FUBP3: variants seen among roughly 807,000 people sequenced by gnomAD.
The protein encoded by FUBP3 is far upstream element binding protein 3.
A neutral mutation model predicts 85.6 loss-of-function variants in FUBP3; 28 were observed. The ratio of observed to expected loss-of-function variants is 0.33; its 90% CI spans 0.24 to 0.45. The LOEUF is 0.45. Ranked by LOEUF, FUBP3 falls within the 20% of genes least tolerant of loss-of-function variation. The pLI is 1.00. For synonymous variants in FUBP3, 271 were observed against 271.4 expected (o/e 1.00, Z 0.01); for missense variants, 583 against 755.1 (o/e 0.77, Z 2.67).
chr9:130,601,856 T>C (rs1831174091), intron 2 of FUBP3, among the ~76,000 whole-genome samples: 1 of 141,116 alleles, frequency 7.1e-6, no homozygotes, highest in Admixed American at 8.1e-5. Context: ...GGCTGGAGTG[T>C]AGTGGTGCGA....
intron 1 of FUBP3, among the ~76,000 whole-genome samples, chr9:130,589,675 G>GTGTGTGTATGTATATATATATATATATA (rs869282275): frequency 1.5e-4 from 5 of 34,312 alleles, no homozygotes; most frequent in African/African-American, 5.3e-4. Flanking sequence ...GTATGTGTGT[G>GTGTGTGTATGTATATATATATATATATA]TATATATATA....
rs2119123429 is a variant in FUBP3, at chr9:130,630,638, C to T, written c.1128C>T (p.Asn376=). 2 of 1,596,770 alleles carry T rather than the reference C, an allele frequency of 1.3e-6. No individual in the cohort carries two copies. The highest frequency in any genetic ancestry group is 1.7e-6 in the Non-Finnish European group (2 of 1,172,092). ...CGLVIGKGGE[N]IKSINQQSGA... is the part of the protein sequence containing the mutation. The stretch of plus-strand genomic sequence containing the variant: ...TTGTGCTGTCCGCAGGGGGTGAGAA[C>T]ATCAAAAGCATCAACCAGCAGTCAG... The change falls in exon 13 of 19, where the codon AAC becomes AAT. Residue 376 remains asparagine (N), a synonymous_variant. Transcript: ENST00000319725.
At position 130,612,634 on chromosome 9, in the gene FUBP3, T is replaced by A. The variant is rs1831804334; in HGVS notation, c.274+129T>A. Reference sequence around the variant, plus strand: ...CTTGTGAGTATCACCTGTAGTAGAATGCTTTGCACATGCCATTCCCCACAG... The same window carrying A: ...CTTGTGAGTATCACCTGTAGTAGAAAGCTTTGCACATGCCATTCCCCACAG... On this transcript the variant is annotated intron_variant, in intron 4 of 18. Transcript: ENST00000319725. This position sits in a 1 kb window ranked among gnomAD's most constrained non-coding sequence, Gnocchi z 4.1. The A allele has an allele frequency of 1.3e-5, 9 of 712,640 alleles. No individual in the cohort carries two copies. In the Admixed American group the frequency reaches 2.3e-4, roughly 18 times the overall value. 44.1% of individuals were successfully genotyped at this position (712,640 alleles called of 1,614,324 possible).
intron 3 of FUBP3, among the ~76,000 whole-genome samples, chr9:130,611,614 C>T (rs1452251990): frequency 6.6e-6 from 1 of 151,188 alleles, no homozygotes; most frequent in African/African-American, 2.4e-5. Context: ...GGGTAAAAAC[C>T]CAGCTGTGTG....
intron 18 of FUBP3, among the ~76,000 whole-genome samples, 165 bp from the exon 19 acceptor site, chr9:130,636,849 G>A (rs891826784): frequency 6.6e-6 from 1 of 152,110 alleles, no homozygotes; most frequent in East Asian, 1.9e-4. Flanking sequence ...CCCACTGTCC[G>A]CTCTTCCCTG....
chr9:130,595,152 G>A (rs1025070375), intron 1 of FUBP3, among the ~76,000 whole-genome samples: 3 of 151,358 alleles, frequency 2.0e-5, no homozygotes, highest in East Asian at 3.9e-4. Flanking sequence ...CTTGAACCCG[G>A]GAGGCAAAGG....
intron 2 of FUBP3, among the ~76,000 whole-genome samples, chr9:130,601,801 A>ATTATTTTTTT (rs374173253): frequency 8.5e-6 from 1 of 117,376 alleles, no homozygotes; most frequent in Non-Finnish European, 1.7e-5. Context: ...ATAATTCCTA[A>ATTATTTTTTT]TTTTTTTTTT....
At chr9:130,605,235 C>T (rs1359364286) in intron 2 of FUBP3, among the ~76,000 whole-genome samples, 1 of 152,190 alleles carries the variant, frequency 6.6e-6, no homozygotes, top group Non-Finnish European at 1.5e-5. Flanking sequence ...TAGGCCCCCT[C>T]ATCTGTTGCC....
chr9:130,628,034 C>G (rs944638903), intron 12 of FUBP3, among the ~76,000 whole-genome samples: 1 of 152,052 alleles, frequency 6.6e-6, no homozygotes, highest in African/African-American at 2.4e-5. Flanking sequence ...TAATTAGTGT[C>G]TCGGATATGG....
intron 10 of FUBP3, 33 bp downstream of exon 10, chr9:130,622,843 A>T (rs1374600286): frequency 1.5e-4 from 22 of 149,306 alleles, no homozygotes; most frequent in Admixed American, 3.2e-4. Flanking sequence ...CCTTAGTGTT[A>T]AAAAAAAAAA....
chr9:130,609,417 C>A (rs1218355786), intron 2 of FUBP3, among the ~76,000 whole-genome samples: 1 of 129,994 alleles, frequency 7.7e-6, no homozygotes, highest in African/African-American at 3.0e-5. Context: ...GGATCCTCTC[C>A]TTCAGATGCT....
intron 7 of FUBP3, among the ~76,000 whole-genome samples, chr9:130,617,291 C>G (rs567928175): frequency 6.6e-6 from 1 of 152,320 alleles, no homozygotes; most frequent in South Asian, 2.1e-4. Context: ...TGTGGCTTCC[C>G]TTGCGTGCCA....
At chr9:130,626,343 A>G (rs746242896) in intron 11 of FUBP3, 21 bp from the exon 12 acceptor site, 8 of 1,605,682 alleles carry the variant, frequency 5.0e-6, no homozygotes, top group Non-Finnish European at 6.8e-6. Flanking sequence ...AGAGGTCGCT[A>G]CAGCCCTGTG....
At chr9:130,636,402 C>T (rs1323067236) in intron 18 of FUBP3, among the ~76,000 whole-genome samples, 2 of 152,396 alleles carry the variant, frequency 1.3e-5, no homozygotes, top group South Asian at 2.1e-4. Flanking sequence ...GGCCCCAGAC[C>T]TCAGGGCTGA....
intron 18 of FUBP3, 142 bp from the exon 19 acceptor site, chr9:130,636,872 A>G: frequency 1.4e-6 from 1 of 723,484 alleles, no homozygotes; most frequent in Non-Finnish European, 2.5e-6. Context: ...CCAAGTCCCT[A>G]GTGGAGAGAG....
In FUBP3 at chr9:130,612,346, T is replaced by C; in HGVS notation, c.225-110T>C. ...ATTTGTTGGCCAAATTGGCCTGATG[T>C]ATTTTAAGCTTTTATCATGCAACAT... On this transcript the variant is annotated intron_variant, in intron 3 of 18. Coordinates refer to ENST00000319725, the MANE Select transcript of FUBP3 (RefSeq NM_003934.2). This position sits in a 1 kb window ranked among gnomAD's most constrained non-coding sequence, Gnocchi z 4.1. The C allele has an allele frequency of 2.9e-6, 2 of 681,836 alleles. No individual in the cohort carries two copies. Among genetic ancestry groups the C allele is most frequent in the Admixed American group, 5.6e-5 (2 of 35,810 alleles). The allele number at this position is 681,836 out of a possible 1,614,324, so 42.2% of individuals were successfully genotyped here.
intron 8 of FUBP3, among the ~76,000 whole-genome samples, chr9:130,619,151 G>C (rs1174023820): frequency 6.6e-6 from 1 of 152,142 alleles, no homozygotes; most frequent in African/African-American, 2.4e-5. Flanking sequence ...CTCCCTCAGA[G>C]GCCTTCTTTT....
At chr9:130,594,841 T>G (rs1041179965) in intron 1 of FUBP3, among the ~76,000 whole-genome samples, 22 of 151,540 alleles carry the variant, frequency 1.5e-4, no homozygotes, top group Non-Finnish European at 2.8e-4. Flanking sequence ...TTAAACTTTT[T>G]GAAGAAAGTT....
chr9:130,611,119 C>A (rs568041943), intron 3 of FUBP3, among the ~76,000 whole-genome samples: 1 of 152,284 alleles, frequency 6.6e-6, no homozygotes, highest in African/African-American at 2.4e-5. Flanking sequence ...GCTGCCTGGG[C>A]TTCGTGACAT....
Sources: gnomAD v4.1 joint callset for allele counts (sites outside exome capture counted in the v4.1 genomes callset) on GRCh38, gnomAD v4.1.1 for gene constraint, Gnocchi (gnomAD v3.1) non-coding constraint, MANE v1.5 for transcripts, NCBI Gene and HGNC (gene_info 2026-07-23, HGNC 2026-07-21) for gene names.